The following ROBO2 variants were observed in gnomAD, a reference collection of about 807,000 sequenced individuals.
The protein encoded by ROBO2 is roundabout homolog 2.
Under a neutral mutation model 160.8 loss-of-function variants are expected in ROBO2, and 53 were observed. The observed-to-expected ratio is 0.33, with a 90% CI of 0.26 to 0.41. ROBO2 has a LOEUF of 0.41. Ranked by LOEUF, ROBO2 falls within the 10% of genes least tolerant of loss-of-function variation. The pLI is 1.00. For synonymous variants in ROBO2, 664 were observed against 611.7 expected (o/e 1.09, Z -1.26); for missense variants, 1,577 against 1,722.4 (o/e 0.92, Z 1.49).
At chr3:75,999,181 A>C (rs946204671) in intron 2 of ROBO2, among the ~76,000 whole-genome samples, 9 of 152,138 alleles carry the variant, frequency 5.9e-5, no homozygotes, top group Non-Finnish European at 1.2e-4. Flanking sequence ...TATAAGACAA[A>C]AGAGTTAAAC....
At chr3:76,184,515 G>T (rs948036809) in intron 2 of ROBO2, among the ~76,000 whole-genome samples, 3 of 151,224 alleles carry the variant, frequency 2.0e-5, no homozygotes, top group African/African-American at 7.3e-5. Context: ...ATTGTATTAG[G>T]GTACTCCAGA....
intron 2 of ROBO2, among the ~76,000 whole-genome samples, chr3:77,175,252 A>G (rs2080030733): frequency 1.3e-5 from 2 of 152,060 alleles, no homozygotes; most frequent in Non-Finnish European, 2.9e-5. Context: ...TTGCTTCTCC[A>G]CATAGTACTT....
At chr3:76,469,820 T>C (rs2078559608) in intron 2 of ROBO2, among the ~76,000 whole-genome samples, 3 of 152,138 alleles carry the variant, frequency 2.0e-5, no homozygotes, top group African/African-American at 7.2e-5. Context: ...TTTGAGGAGA[T>C]GATGTCATTA....
chr3:76,820,442 A>G (rs1328640942), intron 2 of ROBO2, among the ~76,000 whole-genome samples: 1 of 152,018 alleles, frequency 6.6e-6, no homozygotes, highest in East Asian at 1.9e-4. Flanking sequence ...GCATTAGGTA[A>G]TTTTAATATA....
At chr3:77,204,771 A>G (rs2083255824) in intron 2 of ROBO2, among the ~76,000 whole-genome samples, 2 of 152,248 alleles carry the variant, frequency 1.3e-5, no homozygotes, top group South Asian at 4.1e-4. Flanking sequence ...GCTTCAAGAC[A>G]GATTATCCAT....
intron 2 of ROBO2, among the ~76,000 whole-genome samples, chr3:77,230,346 A>C (rs113818483): frequency 0.038 from 5,730 of 152,102 alleles, 364 homozygotes; most frequent in African/African-American, 0.13. Context: ...GGCCTCCTAA[A>C]TTGCTGGGAT....
intron 2 of ROBO2, among the ~76,000 whole-genome samples, chr3:76,093,039 T>C (rs1021092909): frequency 1.3e-5 from 2 of 152,176 alleles, no homozygotes; most frequent in Admixed American, 6.5e-5. Flanking sequence ...AAAACGTGGT[T>C]GATTATGTCT....
chr3:76,664,161 T>A (rs1041732687), intron 2 of ROBO2, among the ~76,000 whole-genome samples: 20 of 152,098 alleles, frequency 1.3e-4, no homozygotes, highest in African/African-American at 4.8e-4. Flanking sequence ...GGCAACATTG[T>A]GTAAAAGGGG....
intron 2 of ROBO2, among the ~76,000 whole-genome samples, chr3:76,942,366 C>T (rs900342759): frequency 1.3e-5 from 2 of 152,162 alleles, no homozygotes; most frequent in Admixed American, 6.5e-5. Flanking sequence ...ATCTAACAAC[C>T]AGCCTCCTTT....
intron 2 of ROBO2, among the ~76,000 whole-genome samples, chr3:76,544,371 T>C (rs2082979906): frequency 6.6e-6 from 1 of 152,028 alleles, no homozygotes; most frequent in Non-Finnish European, 1.5e-5. Flanking sequence ...TAGATGTATT[T>C]TGAAAGTCAA....
chr3:77,646,141 C>A (rs1559797766), exon 26 of ROBO2: 10 of 957,628 alleles, frequency 1.0e-5, no homozygotes, highest in South Asian at 1.7e-5. Context: ...GTGCAATGAA[C>A]AATTTATTTA....
chr3:76,606,983 G>C (rs186250518), intron 2 of ROBO2, among the ~76,000 whole-genome samples: 390 of 152,206 alleles, frequency 2.6e-3, no homozygotes, highest in Middle Eastern at 0.01. Context: ...CATCATTTAA[G>C]TATGATTACA....
chr3:77,428,107 T>G (rs2078387314), intron 2 of ROBO2, among the ~76,000 whole-genome samples: 1 of 152,128 alleles, frequency 6.6e-6, no homozygotes, highest in African/African-American at 2.4e-5. Context: ...TTAATAAAAG[T>G]CATTGTAAAC....
At chr3:77,182,203 G>A (rs77597088) in intron 2 of ROBO2, among the ~76,000 whole-genome samples, 11,421 of 152,030 alleles carry the variant, frequency 0.075, 485 homozygotes, top group African/African-American at 0.11. Context: ...CAACAGTTGG[G>A]ACTGAATATT....
chr3:76,697,771 C>T (rs1199641534), intron 2 of ROBO2, among the ~76,000 whole-genome samples: 1 of 152,024 alleles, frequency 6.6e-6, no homozygotes, highest in Non-Finnish European at 1.5e-5. Flanking sequence ...TTCTATGATT[C>T]AGTCTGATAT....
intron 2 of ROBO2, among the ~76,000 whole-genome samples, chr3:77,328,032 C>A (rs533540664): frequency 1.5e-5 from 2 of 137,886 alleles, no homozygotes; most frequent in Admixed American, 8.2e-5. Flanking sequence ...CACTGCCTTC[C>A]AGCCTGGGTG....
chr3:76,434,614 T>C (rs1032947331), intron 2 of ROBO2: 9 of 1,523,462 alleles, frequency 5.9e-6, no homozygotes, highest in African/African-American at 4.1e-5. Flanking sequence ...CTGGACTGCC[T>C]GGAGCAAAAC....
At chr3:77,507,686 A>G (rs927268741) in intron 5 of ROBO2, among the ~76,000 whole-genome samples, 1 of 152,174 alleles carries the variant, frequency 6.6e-6, no homozygotes, top group Admixed American at 6.6e-5. Flanking sequence ...ACCAGTTTTG[A>G]AAGTATTTAA....
chr3:76,223,942 A>T (rs927599064), intron 2 of ROBO2, among the ~76,000 whole-genome samples: 2 of 152,232 alleles, frequency 1.3e-5, no homozygotes, highest in African/African-American at 4.8e-5. Flanking sequence ...GGTTAGAAAT[A>T]GCTAATATAA....
Sources: allele counts gnomAD v4.1 joint callset (sites outside exome capture counted in the v4.1 genomes callset), GRCh38; gene constraint gnomAD v4.1.1; transcripts MANE v1.5; gene names NCBI Gene and HGNC (gene_info 2026-07-23, HGNC 2026-07-21).